Variants in TSPAN11 observed in about 807,000 individuals in gnomAD.
TSPAN11 encodes tetraspanin-11.
TSPAN11 carries 29 observed loss-of-function variants against 32.9 expected under a neutral mutation model. The observed-to-expected ratio is 0.88, with a 90% CI of 0.66 to 1.20. The LOEUF is 1.20. TSPAN11 is among the 50% of genes most tolerant of loss of function. TSPAN11 has a pLI of 0.00. For missense variants in TSPAN11, 283 were observed against 329.1 expected (o/e 0.86, Z 1.08); for synonymous variants, 140 against 141.3 (o/e 0.99, Z 0.07).
the TSPAN11 span, among the ~76,000 whole-genome samples, chr12:31,011,693 A>T: frequency 6.6e-6 from 1 of 152,190 alleles, no homozygotes; most frequent in Non-Finnish European, 1.5e-5. Context: ...CACCAAAAAA[A>T]AAAGGAAAAC....
At chr12:30,971,074 C>A (rs543419890) in intron 3 of TSPAN11, among the ~76,000 whole-genome samples, 1 of 152,288 alleles carries the variant, frequency 6.6e-6, no homozygotes, top group African/African-American at 2.4e-5. Flanking sequence ...GCAACTTAAC[C>A]TTGGCAGGGT....
intron 1 of TSPAN11, among the ~76,000 whole-genome samples, chr12:30,934,335 G>A (rs1413393465): frequency 1.3e-5 from 2 of 152,214 alleles, no homozygotes; most frequent in African/African-American, 2.4e-5. Flanking sequence ...CAGATCCCAG[G>A]GCCTGGATAC....
At chr12:31,012,339 C>T in the TSPAN11 span, among the ~76,000 whole-genome samples, 1 of 152,240 alleles carries the variant, frequency 6.6e-6, no homozygotes, top group Non-Finnish European at 1.5e-5. Context: ...CTCCCCTGCC[C>T]CTTGGAAACC....
chr12:30,949,517 G>T (rs574233852), intron 1 of TSPAN11, among the ~76,000 whole-genome samples: 1 of 152,128 alleles, frequency 6.6e-6, no homozygotes. Flanking sequence ...ATCAGATCTC[G>T]TGAGACTTAT....
At chr12:30,990,485 C>T (rs1939290664) in intron 7 of TSPAN11, among the ~76,000 whole-genome samples, 1 of 152,240 alleles carries the variant, frequency 6.6e-6, no homozygotes, top group Admixed American at 6.5e-5. Context: ...CGGCCGCCTG[C>T]GTAAAGCTAG....
intron 4 of TSPAN11, chr12:30,979,032 G>A (rs934258806): frequency 8.9e-5 from 23 of 259,454 alleles, no homozygotes; most frequent in Non-Finnish European, 1.3e-4. Flanking sequence ...AGGATGGAGT[G>A]AGTCCTAGAG....
downstream of TSPAN11, chr12:30,999,025 T>C (rs1565809202): frequency 2.6e-5 from 4 of 152,204 alleles, no homozygotes. Flanking sequence ...TTTAAAATAT[T>C]GTAACTAAGT....
At chr12:31,001,434 C>T (rs780096315), downstream of TSPAN11, among the ~76,000 whole-genome samples, 6 of 152,236 alleles carry the variant, frequency 3.9e-5, no homozygotes, top group Admixed American at 6.5e-5. Flanking sequence ...TGAATATAAT[C>T]ATCAGCATTG....
chr12:30,965,717 G>A lies in TSPAN11; in HGVS notation c.276+1700G>A, dbSNP rs76278830. ...CATCAACTCACTCAGTCCTCGCCCTGCCCCAAAGAGCAGCAACTCTTACTC... is the reference window on the plus strand; with the variant it reads ...CATCAACTCACTCAGTCCTCGCCCTACCCCAAAGAGCAGCAACTCTTACTC... On this transcript the variant is annotated intron_variant, in intron 3 of 7. Coordinates refer to ENST00000546076, the MANE Select transcript of TSPAN11 (RefSeq NM_001370302.1). Among the ~76,000 whole-genome samples, 73 of 152,320 alleles carry A rather than the reference G, an allele frequency of 4.8e-4. 4 individuals are homozygous for A. The East Asian group carries it at 0.014, about 29-fold the overall frequency.
the TSPAN11 span, among the ~76,000 whole-genome samples, chr12:31,002,679 T>A: frequency 6.6e-6 from 1 of 152,068 alleles, no homozygotes; most frequent in African/African-American, 2.4e-5. The surrounding 1 kb of genome is among the most constrained non-coding windows in gnomAD (Gnocchi z 4.8). Context: ...GGCACCCAGC[T>A]CCCATCCTGT....
intron 2 of TSPAN11, among the ~76,000 whole-genome samples, chr12:30,959,649 G>A (rs1352811933): frequency 1.3e-5 from 2 of 151,924 alleles, no homozygotes; most frequent in South Asian, 2.1e-4. Flanking sequence ...GCGTGGTGGC[G>A]CGTGCCTGTA....
At chr12:30,940,377 C>T (rs921638213) in intron 1 of TSPAN11, among the ~76,000 whole-genome samples, 1 of 152,162 alleles carries the variant, frequency 6.6e-6, no homozygotes, top group African/African-American at 2.4e-5. Context: ...GTTCAGGGCC[C>T]AGAACTCAAC....
At chr12:30,949,207 T>C (rs1056844813) in intron 1 of TSPAN11, among the ~76,000 whole-genome samples, 2 of 152,240 alleles carry the variant, frequency 1.3e-5, no homozygotes, top group Non-Finnish European at 2.9e-5. Flanking sequence ...TCCTGTCTTC[T>C]GAGCTCTCCA....
intron 1 of TSPAN11, among the ~76,000 whole-genome samples, chr12:30,941,752 G>A (rs1174276719): frequency 1.3e-5 from 2 of 152,242 alleles, no homozygotes; most frequent in Non-Finnish European, 2.9e-5. Flanking sequence ...CTGCCTCCTG[G>A]AACCCCACCC....
intron 1 of TSPAN11, among the ~76,000 whole-genome samples, chr12:30,939,486 T>G (rs1938116065): frequency 6.6e-6 from 1 of 152,186 alleles, no homozygotes; most frequent in African/African-American, 2.4e-5. Context: ...CGCGCCTTCC[T>G]CAGATCTGGC....
chr12:30,957,861 T>TTCCTTCCTTCCTTCCC (rs1379365675), intron 2 of TSPAN11, among the ~76,000 whole-genome samples: 7 of 30,530 alleles, frequency 2.3e-4, no homozygotes, highest in African/African-American at 1.0e-3. Flanking sequence ...CCTTCCTTCC[T>TTCCTTCCTTCCTTCCC]TCCCTCCCTC....
chr12:30,954,238 G>A (rs573032499), intron 2 of TSPAN11, 163 bp downstream of exon 2: 1 of 637,024 alleles, frequency 1.6e-6, no homozygotes, highest in Non-Finnish European at 2.8e-6. Context: ...ATGTACATTT[G>A]CTACTGAGAA....
chr12:30,934,298 G>A (rs892961953), intron 1 of TSPAN11, among the ~76,000 whole-genome samples: 1 of 152,236 alleles, frequency 6.6e-6, no homozygotes, highest in African/African-American at 2.4e-5. Context: ...TGGCAGCCAT[G>A]TCTGCCTTGT....
At chr12:30,936,710 G>A (rs1938052400) in intron 1 of TSPAN11, among the ~76,000 whole-genome samples, 3 of 152,224 alleles carry the variant, frequency 2.0e-5, no homozygotes, top group Admixed American at 2.0e-4. Flanking sequence ...ATGGGTTGCA[G>A]TGGGAAGATA....
Sources: allele counts gnomAD v4.1 joint callset (sites outside exome capture counted in the v4.1 genomes callset), GRCh38; gene constraint gnomAD v4.1.1; non-coding constraint Gnocchi (gnomAD v3.1); transcripts MANE v1.5; gene names NCBI Gene and HGNC (gene_info 2026-07-23, HGNC 2026-07-21).